The following USO1 variants were observed in gnomAD, a reference collection of about 807,000 sequenced individuals.
USO1 encodes general vesicular transport factor p115.
A neutral mutation model predicts 124.5 loss-of-function variants in USO1; 57 were observed. That is an observed-to-expected ratio of 0.46 (90% confidence interval 0.37 to 0.57). USO1 has a LOEUF of 0.57. USO1 is among the 20% of genes least tolerant of loss of function. The pLI is 0.00. For synonymous variants in USO1, 369 were observed against 362.8 expected, an observed-to-expected ratio of 1.02 and a Z score of -0.19; for missense variants, 900 against 1,040.6, an observed-to-expected ratio of 0.86 and a Z score of 1.86.
intron 9 of USO1, among the ~76,000 whole-genome samples, chr4:75,786,579 G>T (rs1239910785): frequency 6.6e-6 from 1 of 152,080 alleles, no homozygotes; most frequent in Middle Eastern, 3.2e-3. Flanking sequence ...CCCACCCCAT[G>T]CCTAATACAT....
intron 1 of USO1, chr4:75,744,782 C>T (rs762436174): frequency 8.6e-5 from 25 of 292,068 alleles, no homozygotes; most frequent in Middle Eastern, 4.9e-4. Context: ...TAAATAAATG[C>T]TGTGTAAGTG....
intron 1 of USO1, among the ~76,000 whole-genome samples, chr4:75,740,756 T>G: frequency 6.6e-6 from 1 of 152,346 alleles, no homozygotes; most frequent in East Asian, 1.9e-4. Flanking sequence ...ATTTCTTTAA[T>G]TTTTTTCTCT....
chr4:75,759,319 C>T (rs1483311826), intron 4 of USO1, among the ~76,000 whole-genome samples: 7 of 122,906 alleles, frequency 5.7e-5, no homozygotes, highest in Non-Finnish European at 9.5e-5. Flanking sequence ...TTGGGCTGGG[C>T]GCGGTGGCTC....
rs772027363 is a variant in USO1, at chr4:75,787,161, A to G, written c.955A>G (p.Ile319Val). ...TGGGTTATTGCAGCAGCTTTGTACT[A>G]TCCTAATGGCTACTGGGGTTCCTGC... is the stretch of plus-strand genomic sequence containing the variant. ...QCGLLQQLCT[I>V]LMATGVPADI... is the part of the protein sequence containing the mutation. The change falls in exon 10 of 24, where the codon ATC (isoleucine) becomes GTC (valine). Residue 319 changes from isoleucine (I) to valine (V), a missense_variant. This residue lies in a region of USO1 where 538 missense variants were observed against 681.6 expected (regional missense o/e 0.79). Transcript: ENST00000514213. 4 of 1,586,662 alleles carry G rather than the reference A, an allele frequency of 2.5e-6. No homozygotes were observed. The African/African-American group carries it at 4.1e-5, about 16-fold the overall frequency.
At chr4:75,755,311 T>G (rs7665517) in intron 3 of USO1, among the ~76,000 whole-genome samples, 80,148 of 152,118 alleles carry the variant, frequency 0.53, 23,119 homozygotes, top group East Asian at 0.81. Flanking sequence ...TGGACATAGT[T>G]TAAAACAATC....
intron 3 of USO1, among the ~76,000 whole-genome samples, chr4:75,753,528 C>T (rs1472546328): frequency 1.3e-5 from 2 of 151,864 alleles, no homozygotes; most frequent in Non-Finnish European, 2.9e-5. Flanking sequence ...GAGCAAGACT[C>T]TGTCTCAAAA....
chr4:75,730,448 C>CA (rs1445413568), intron 1 of USO1, among the ~76,000 whole-genome samples: 1 of 151,874 alleles, frequency 6.6e-6, no homozygotes, highest in Non-Finnish European at 1.5e-5. Context: ...TTTATCTGAC[C>CA]AGACCTTTTT....
intron 4 of USO1, among the ~76,000 whole-genome samples, chr4:75,769,677 T>G (rs543851244): frequency 6.6e-4 from 100 of 152,168 alleles, no homozygotes; most frequent in Non-Finnish European, 9.3e-4. Flanking sequence ...CTAATTTGAG[T>G]TTATAATATA....
At chr4:75,760,698 T>TAA in intron 4 of USO1, 1 of 358,602 alleles carries the variant, frequency 2.8e-6, no homozygotes, top group Non-Finnish European at 5.0e-6. Context: ...TTCTGGCTGG[T>TAA]AAAAAAAAAA....
intron 1 of USO1, among the ~76,000 whole-genome samples, chr4:75,739,538 CTT>C (rs753369609): frequency 4.7e-5 from 5 of 105,422 alleles, no homozygotes; most frequent in Admixed American, 1.2e-4. Flanking sequence ...TTATCTTTTT[CTT>C]TTTTTTTTTT....
chr4:75,805,737 G>A (rs1054061752), intron 19 of USO1, among the ~76,000 whole-genome samples: 1 of 151,770 alleles, frequency 6.6e-6, no homozygotes, highest in Non-Finnish European at 1.5e-5. Flanking sequence ...GATTTTACAG[G>A]ATGAGCTTTA....
chr4:75,790,117 C>A, intron 10 of USO1, 33 bp from the exon 11 acceptor site: 1 of 1,500,416 alleles, frequency 6.7e-7, no homozygotes, highest in Non-Finnish European at 8.9e-7. Context: ...CTTAATTTCT[C>A]TAAATGTTCT....
At chr4:75,790,856 T>A in intron 12 of USO1, 59 bp downstream of exon 12, 1 of 1,452,954 alleles carries the variant, frequency 6.9e-7, no homozygotes, top group Non-Finnish European at 9.1e-7. Flanking sequence ...TCCAAGCTTT[T>A]AATTGATTCT....
chr4:75,773,202 G>T (rs536678999), intron 7 of USO1, among the ~76,000 whole-genome samples: 21 of 151,990 alleles, frequency 1.4e-4, no homozygotes, highest in African/African-American at 4.6e-4. Flanking sequence ...ACTTTTATTT[G>T]AGACAGACAA....
rs71208096 is a variant in USO1, at chr4:75,748,211, C to CTTT, written c.67-4146_67-4144dup. Reference sequence around the variant, plus strand: ...GAGCCATCGTGCCCAGCTGGTATTTCTTTTTTTTTTTTTTTTTTACAGGCT... The same window carrying CTTT: ...GAGCCATCGTGCCCAGCTGGTATTTCTTTTTTTTTTTTTTTTTTTTTACAGGCT... On this transcript the variant is annotated intron_variant, in intron 1 of 23. Coordinates refer to ENST00000514213, the MANE Select transcript of USO1 (RefSeq NM_003715.4). Among the ~76,000 whole-genome samples, 299 of 124,140 alleles carry CTTT rather than the reference C, an allele frequency of 2.4e-3. 3 individuals are homozygous for CTTT. The highest frequency in any genetic ancestry group is 9.3e-3 in the Middle Eastern group (2 of 216). The allele number at this position is 124,140 out of a possible 152,430, so 81.4% of individuals were successfully genotyped here. A position where few individuals can be genotyped will look rare whatever the true frequency, so the allele number is the denominator to read the frequency against.
chr4:75,807,838 GT>G (rs1178701549), intron 20 of USO1, among the ~76,000 whole-genome samples: 1 of 151,826 alleles, frequency 6.6e-6, no homozygotes, highest in African/African-American at 2.4e-5. Context: ...TTGCCTTTTA[GT>G]TTTTTTACTT....
intron 9 of USO1, among the ~76,000 whole-genome samples, chr4:75,783,063 G>A (rs1317125588): frequency 2.0e-5 from 3 of 152,050 alleles, no homozygotes; most frequent in African/African-American, 4.8e-5. Context: ...TTAACATCTG[G>A]CAATTTTGTT....
At chr4:75,779,213 C>T (rs547507896) in intron 8 of USO1, among the ~76,000 whole-genome samples, 2 of 152,278 alleles carry the variant, frequency 1.3e-5, no homozygotes, top group African/African-American at 4.8e-5. Flanking sequence ...TCTTCCCCTC[C>T]CTCCCTCGGG....
rs1435382138 is a variant in USO1, at chr4:75,793,722, T to C, written c.1273T>C (p.Leu425=). ...TGNSVSAGQL[L]CGGLFSTDSL... is the part of the protein sequence containing the mutation. ...TAATTCAGTTTCAGCTGGCCAGTTA[T>C]TATGTGGAGGTTTGTTTTCTACTGA... The change falls in exon 13 of 24, where the codon TTA becomes CTA. Residue 425 remains leucine, a synonymous_variant. Transcript: ENST00000514213. 3 of 1,612,048 alleles carry C rather than the reference T, an allele frequency of 1.9e-6. No individual in the cohort carries two copies. The highest frequency in any genetic ancestry group is 1.7e-5 in the Admixed American group (1 of 59,682).
Sources: gnomAD v4.1 joint callset for allele counts (sites outside exome capture counted in the v4.1 genomes callset) on GRCh38, gnomAD v4.1.1 for gene constraint, gnomAD v4.1.1 regional missense constraint, MANE v1.5 for transcripts, NCBI Gene and HGNC (gene_info 2026-07-23, HGNC 2026-07-21) for gene names.